RYR3: variants seen among roughly 807,000 people sequenced by gnomAD.
RYR3 encodes the protein ryanodine receptor 3, also known as brain ryanodine receptor-calcium release channel.
A neutral mutation model predicts 584.3 loss-of-function variants in RYR3; 207 were observed. That is an observed-to-expected ratio of 0.35 (90% CI 0.32 to 0.40). The LOEUF is 0.40. Ranked by LOEUF, RYR3 falls within the 10% of genes least tolerant of loss-of-function variation. The probability of loss-of-function intolerance (pLI) is 1.00; values close to 1 mark genes in which losing one functional copy is unlikely to be tolerated. For missense variants in RYR3, 5,616 were observed against 6,089.2 expected (o/e 0.92, Z 2.59); for synonymous variants, 2,416 against 2,248.5 (o/e 1.07, Z -2.11).
At chr15:33,507,062 G>A (rs2052545136) in intron 3 of RYR3, among the ~76,000 whole-genome samples, 2 of 152,156 alleles carry the variant, frequency 1.3e-5, no homozygotes, top group African/African-American at 4.8e-5. Flanking sequence ...CACCAAATGG[G>A]AGGCTTTGAA....
At chr15:33,580,224 T>C (rs1225592010) in intron 13 of RYR3, 80 bp downstream of exon 13, 1 of 1,163,114 alleles carries the variant, frequency 8.6e-7, no homozygotes, top group Non-Finnish European at 1.2e-6. Flanking sequence ...TAGCTTTGTC[T>C]TTCTGCATGC....
In RYR3 at chr15:33,575,822, A is replaced by G. The variant is rs545651602; in HGVS notation, c.1269-4154A>G. On this transcript the variant is annotated intron_variant, in intron 12 of 103. Coordinates refer to ENST00000634891, the MANE Select transcript of RYR3 (RefSeq NM_001036.6). The stretch of plus-strand genomic sequence containing the variant: ...AGCCCTTCAGAGCATCAACAAATAC[A>G]GGAGCTGGTTTTAAAAAAAAAAAAT... Among the ~76,000 whole-genome samples, 701 of 95,478 alleles carry G rather than the reference A, an allele frequency of 7.3e-3. 3 individuals are homozygous for G. The highest frequency in any genetic ancestry group is 0.023 in the Middle Eastern group (4 of 176). 62.6% of individuals were successfully genotyped at this position (95,478 alleles called of 152,430 possible). A position where few individuals can be genotyped will look rare whatever the true frequency, so the allele number is the denominator to read the frequency against.
intron 1 of RYR3, among the ~76,000 whole-genome samples, chr15:33,425,503 T>A (rs78655154): frequency 0.017 from 2,529 of 152,202 alleles, 68 homozygotes; most frequent in African/African-American, 0.058. Context: ...TTGCAAAGGA[T>A]TCAAGAGGGA....
intron 1 of RYR3, among the ~76,000 whole-genome samples, chr15:33,437,334 A>G (rs912832309): frequency 1.3e-5 from 2 of 152,106 alleles, no homozygotes; most frequent in East Asian, 1.9e-4. Context: ...CATCCTTAAC[A>G]TTTTCCTCAT....
At chr15:33,857,946 C>G in intron 99 of RYR3, 32 bp downstream of exon 99, 1 of 1,610,440 alleles carries the variant, frequency 6.2e-7, no homozygotes, top group Non-Finnish European at 8.5e-7. Flanking sequence ...GGCCAGCCCA[C>G]CCACTGCGGG....
chr15:33,810,892 T>TG (rs1464429574), intron 71 of RYR3, 86 bp from the exon 72 acceptor site: 8 of 1,211,320 alleles, frequency 6.6e-6, no homozygotes, highest in Non-Finnish European at 9.6e-6. Flanking sequence ...AGTGAAACTG[T>TG]GCGTTGACTC....
chr15:33,480,560 A>G (rs1346335863), intron 2 of RYR3, among the ~76,000 whole-genome samples: 1 of 152,246 alleles, frequency 6.6e-6, no homozygotes, highest in Non-Finnish European at 1.5e-5. Flanking sequence ...TCAGGAGGAT[A>G]TTTGTGACTT....
intron 19 of RYR3, among the ~76,000 whole-genome samples, chr15:33,622,459 C>G (rs1163728101): frequency 1.3e-5 from 2 of 152,204 alleles, no homozygotes; most frequent in Non-Finnish European, 2.9e-5. Context: ...CAGCCAACCC[C>G]TTACTTGAGT....
Position 33,696,309 on chromosome 15 carries a change from C to A in RYR3, c.5952C>A (p.Asn1984Lys). The A allele has an allele frequency of 1.2e-6, 2 of 1,613,870 alleles. No homozygotes were observed. Among genetic ancestry groups the A allele is most frequent in the East Asian group, 4.5e-5 (2 of 44,840 alleles). Residue 1984 changes from asparagine to lysine, a missense_variant, in exon 39 of 104, where the codon AAC becomes AAA. This residue lies in a region of RYR3 where 1,280 missense variants were observed against 1,426.2 expected (regional missense o/e 0.90). Coordinates refer to ENST00000634891, the MANE Select transcript of RYR3 (RefSeq NM_001036.6). ...CAGAGCTGGTCCGAATGATGTTCAA[C>A]CTCCTCCGGAGGCAGTATGACAGCA... ...QDSELVRMMFNLLRRQYDSIG... is the reference protein window; with the variant it reads ...QDSELVRMMFKLLRRQYDSIG...
intron 3 of RYR3, among the ~76,000 whole-genome samples, chr15:33,512,339 T>C (rs2053107733): frequency 6.6e-6 from 1 of 152,208 alleles, no homozygotes; most frequent in African/African-American, 2.4e-5. Flanking sequence ...GCAGAAGAAT[T>C]AAACGTGAAC....
At chr15:33,550,128 A>G in intron 9 of RYR3, 32 bp from the exon 10 acceptor site, 1 of 1,603,310 alleles carries the variant, frequency 6.2e-7, no homozygotes, top group Non-Finnish European at 8.5e-7. Flanking sequence ...TTTTTGTATA[A>G]ATGCAATTTC....
intron 1 of RYR3, among the ~76,000 whole-genome samples, chr15:33,387,826 G>A (rs1237779635): frequency 6.6e-6 from 1 of 152,106 alleles, no homozygotes; most frequent in African/African-American, 2.4e-5. Flanking sequence ...TACTGAAAGG[G>A]TAGATGATTT....
chr15:33,382,259 T>C (rs2041240689), intron 1 of RYR3, among the ~76,000 whole-genome samples: 1 of 151,804 alleles, frequency 6.6e-6, no homozygotes, highest in African/African-American at 2.4e-5. Context: ...TAAAACTTGG[T>C]TGTGCATTAG....
intron 27 of RYR3, among the ~76,000 whole-genome samples, chr15:33,638,058 T>C (rs374622568): frequency 1.3e-5 from 2 of 152,184 alleles, no homozygotes; most frequent in Admixed American, 6.5e-5. Flanking sequence ...TGGAGAAATA[T>C]AAAGCTTACA....
chr15:33,447,753 AG>A (rs1278368544), intron 1 of RYR3, among the ~76,000 whole-genome samples: 14 of 152,230 alleles, frequency 9.2e-5, no homozygotes, highest in Non-Finnish European at 1.8e-4. Context: ...TAGTGGCCAC[AG>A]AGTACGGACC....
intron 5 of RYR3, among the ~76,000 whole-genome samples, chr15:33,538,753 G>A (rs559310658): frequency 1.3e-5 from 2 of 152,216 alleles, no homozygotes; most frequent in Admixed American, 6.5e-5. Flanking sequence ...TTTATTGATG[G>A]TTTCTTCATC....
In RYR3 at chr15:33,683,789, C is replaced by T. The variant is rs145986972; in HGVS notation, c.5861-12429C>T. Among the ~76,000 whole-genome samples the T allele has an allele frequency of 2.3e-4, 35 of 152,392 alleles. 1 individual carries two copies. The highest frequency in any genetic ancestry group is 2.3e-3 in the South Asian group (11 of 4,834). On this transcript the variant is annotated intron_variant, in intron 38 of 103. Transcript: ENST00000634891. ...AGGAGAAACTTCCGCCCAAATACTG[C>T]GCTTTTCCCAAGGTCTTAGCAACTG...
chr15:33,480,197 T>A (rs2049832373), intron 2 of RYR3, among the ~76,000 whole-genome samples: 1 of 152,222 alleles, frequency 6.6e-6, no homozygotes, highest in African/African-American at 2.4e-5. Flanking sequence ...AGCACAGTGC[T>A]TAATAAACTT....
intron 16 of RYR3, among the ~76,000 whole-genome samples, chr15:33,592,279 A>G (rs2059167673): frequency 6.6e-6 from 1 of 152,200 alleles, no homozygotes; most frequent in South Asian, 2.1e-4. Context: ...CCTCACAGAC[A>G]ATAAGGTATT....
Sources: allele counts gnomAD v4.1 joint callset (sites outside exome capture counted in the v4.1 genomes callset), GRCh38; gene constraint gnomAD v4.1.1; regional missense constraint gnomAD v4.1.1; transcripts MANE v1.5; gene names NCBI Gene and HGNC (gene_info 2026-07-23, HGNC 2026-07-21).